TMEM163: variants seen among roughly 807,000 people sequenced by gnomAD.
TMEM163 encodes the protein transmembrane protein 163.
Under a neutral mutation model 29.3 loss-of-function variants are expected in TMEM163, and 17 were observed. The observed-to-expected ratio is 0.58, with a 90% confidence interval of 0.40 to 0.87. The LOEUF (loss-of-function observed/expected upper bound fraction) is 0.87. Among genes scored for constraint, TMEM163 ranks in the 40% least tolerant of loss-of-function variants. TMEM163 has a pLI of 0.00. For synonymous variants in TMEM163, 157 were observed against 160.6 expected (o/e 0.98, Z 0.17); for missense variants, 303 against 381.5 (o/e 0.79, Z 1.71).
chr2:134,669,240 T>C (rs1683939378), intron 2 of TMEM163, among the ~76,000 whole-genome samples: 1 of 152,238 alleles, frequency 6.6e-6, no homozygotes, highest in Non-Finnish European at 1.5e-5. Context: ...GAGCTTCTGT[T>C]TCCCCTGGAG....
rs749705498 is a variant in TMEM163 at position 134,551,680 on chromosome 2, C to T, written c.366+368G>A. The stretch of plus-strand genomic sequence containing the variant: ...CTGGCTACAGACTGACTCATCCTAG[C>T]GCAAGTAGCCCCGATCTTCACTCGC... On this transcript the variant is annotated intron_variant, in intron 3 of 7. Coordinates refer to ENST00000281924, the MANE Select transcript of TMEM163 (RefSeq NM_030923.5). Among the ~76,000 whole-genome samples, 11 of 152,192 alleles carry T rather than the reference C, an allele frequency of 7.2e-5. No individual in the cohort carries two copies. In the South Asian group the frequency reaches 8.3e-4, roughly 11 times the overall value.
intron 2 of TMEM163, among the ~76,000 whole-genome samples, chr2:134,656,426 C>T (rs148079615): frequency 0.038 from 5,778 of 151,772 alleles, 383 homozygotes; most frequent in African/African-American, 0.13. Context: ...TGCACGCACC[C>T]ACTGGCCTGC....
intron 2 of TMEM163, among the ~76,000 whole-genome samples, chr2:134,571,260 G>GC (rs1681417048): frequency 6.6e-6 from 1 of 152,172 alleles, no homozygotes; most frequent in African/African-American, 2.4e-5. Flanking sequence ...AAATGGCATT[G>GC]CCCATATACT....
intron 5 of TMEM163, among the ~76,000 whole-genome samples, chr2:134,500,877 G>A (rs966788030): frequency 3.9e-5 from 6 of 152,150 alleles, no homozygotes; most frequent in Non-Finnish European, 7.3e-5. Flanking sequence ...AGCTAGATAG[G>A]AGGAATAAGT....
chr2:134,523,071 T>C (rs971326337), intron 4 of TMEM163, among the ~76,000 whole-genome samples: 64 of 152,186 alleles, frequency 4.2e-4, no homozygotes, highest in African/African-American at 1.5e-3. Context: ...CCAGAGGTGG[T>C]TCAACCAAAT....
At chr2:134,613,895 C>T (rs1682555047) in intron 2 of TMEM163, among the ~76,000 whole-genome samples, 1 of 152,072 alleles carries the variant, frequency 6.6e-6, no homozygotes, top group Non-Finnish European at 1.5e-5. Flanking sequence ...GTAAAGGTGT[C>T]AATTTTTCAA....
intron 5 of TMEM163, among the ~76,000 whole-genome samples, chr2:134,480,432 T>C (rs1008056240): frequency 6.6e-6 from 1 of 152,162 alleles, no homozygotes; most frequent in African/African-American, 2.4e-5. Flanking sequence ...TAATAGCACT[T>C]TTCACATTTA....
intron 4 of TMEM163, among the ~76,000 whole-genome samples, chr2:134,537,383 G>A (rs2106501709): frequency 6.6e-6 from 1 of 152,294 alleles, no homozygotes; most frequent in African/African-American, 2.4e-5. Context: ...AGATTCTGGT[G>A]AGGGCCCTCC....
rs185013739 is a variant in TMEM163, at chr2:134,481,049, T to C, written c.556-14824A>G. ...ACAATCACCATGGATTAATTTCTTC[T>C]ACTCTTGGATTTTATATAAGTGGAA... On this transcript the variant is annotated intron_variant, in intron 5 of 7. Coordinates refer to ENST00000281924, the MANE Select transcript of TMEM163 (RefSeq NM_030923.5). Among the ~76,000 whole-genome samples, 21 of 152,328 alleles carry C rather than the reference T, an allele frequency of 1.4e-4. No homozygotes were observed. In the East Asian group the frequency reaches 3.7e-3, roughly 27 times the overall value.
At chr2:134,626,185 A>G (rs1244307862) in intron 2 of TMEM163, among the ~76,000 whole-genome samples, 1 of 137,910 alleles carries the variant, frequency 7.3e-6, no homozygotes, top group Admixed American at 8.0e-5. Context: ...GCTCACTGCA[A>G]CCTCCACCCC....
At chr2:134,467,941 A>G (rs1686705805) in intron 5 of TMEM163, 1 of 152,214 alleles carries the variant, frequency 6.6e-6, no homozygotes, top group Non-Finnish European at 1.5e-5. Context: ...TTACCTCCTC[A>G]AATGACCAGT....
chr2:134,647,727 G>A (rs1251964168), intron 2 of TMEM163, among the ~76,000 whole-genome samples: 1 of 152,240 alleles, frequency 6.6e-6, no homozygotes, highest in Non-Finnish European at 1.5e-5. Flanking sequence ...AAACTGGAGT[G>A]CACGGGTGCT....
chr2:134,506,455 C>T (rs1469916205), intron 4 of TMEM163, among the ~76,000 whole-genome samples: 3 of 152,146 alleles, frequency 2.0e-5, no homozygotes, highest in Non-Finnish European at 4.4e-5. Context: ...ACTCACCGGA[C>T]CCAGGTTTTT....
intron 2 of TMEM163, among the ~76,000 whole-genome samples, chr2:134,594,499 C>G (rs1682016458): frequency 6.6e-6 from 1 of 152,054 alleles, no homozygotes; most frequent in Non-Finnish European, 1.5e-5. Flanking sequence ...CAGGAGCTAG[C>G]TATTTATATG....
intron 2 of TMEM163, among the ~76,000 whole-genome samples, chr2:134,712,497 A>C (rs1049089625): frequency 3.3e-5 from 5 of 151,958 alleles, no homozygotes. Flanking sequence ...GGTTTCTACC[A>C]AGGTTGAGCT....
At chr2:134,628,344 G>T (rs1406293683) in intron 2 of TMEM163, among the ~76,000 whole-genome samples, 3 of 152,218 alleles carry the variant, frequency 2.0e-5, no homozygotes, top group Non-Finnish European at 4.4e-5. Flanking sequence ...CCAAAGAAAG[G>T]CCTCCTTTCA....
intron 4 of TMEM163, among the ~76,000 whole-genome samples, chr2:134,534,632 T>G (rs979374523): frequency 7.2e-5 from 11 of 152,054 alleles, no homozygotes; most frequent in Non-Finnish European, 1.0e-4. Flanking sequence ...CGCACTCCTG[T>G]AATCCCAGCT....
At chr2:134,466,684 G>A (rs574430176) in intron 5 of TMEM163, 25 of 159,500 alleles carry the variant, frequency 1.6e-4, no homozygotes, top group Middle Eastern at 3.2e-3. Context: ...GGTCAGTTAG[G>A]GCCAGAGCTA....
chr2:134,502,278 A>T (rs1215938571), intron 5 of TMEM163, among the ~76,000 whole-genome samples: 1 of 152,154 alleles, frequency 6.6e-6, no homozygotes, highest in Non-Finnish European at 1.5e-5. Flanking sequence ...TGGTAACCAC[A>T]TCAGCTGCCT....
Sources: gnomAD v4.1 joint callset for allele counts (sites outside exome capture counted in the v4.1 genomes callset) on GRCh38, gnomAD v4.1.1 for gene constraint, MANE v1.5 for transcripts, NCBI Gene and HGNC (gene_info 2026-07-23, HGNC 2026-07-21) for gene names.